The following IGFBP7 variants were observed in gnomAD, a reference collection of about 807,000 sequenced individuals.
IGFBP7 encodes the protein insulin-like growth factor-binding protein 7.
Under a neutral mutation model 29.4 loss-of-function variants are expected in IGFBP7, and 31 were observed. The observed-to-expected ratio is 1.05, with a 90% CI of 0.79 to 1.42. The LOEUF is 1.42. Among genes scored for constraint, IGFBP7 ranks in the 40% most tolerant of loss-of-function variants. The probability of loss-of-function intolerance (pLI) is 0.00; values close to 1 mark genes in which losing one functional copy is unlikely to be tolerated. For missense variants in IGFBP7, 393 were observed against 395.5 expected (o/e 0.99, Z 0.05); for synonymous variants, 172 against 174.9 (o/e 0.98, Z 0.13).
chr4:57,097,065 A>AT, intron 1 of IGFBP7, among the ~76,000 whole-genome samples: 1 of 152,084 alleles, frequency 6.6e-6, no homozygotes. Context: ...CAGTACTTCA[A>AT]TTTTTTCCCC....
rs756092472 is a variant in IGFBP7, at chr4:57,101,728, T to C, written c.475+8149A>G. Among the ~76,000 whole-genome samples the C allele has an allele frequency of 1.2e-4, 18 of 145,720 alleles. No homozygotes were observed. The East Asian group carries it at 2.1e-3, about 17-fold the overall frequency. On this transcript the variant is annotated intron_variant, in intron 1 of 4. Coordinates refer to ENST00000295666, the MANE Select transcript of IGFBP7 (RefSeq NM_001553.3). ...TATCATCCTGGCTTTTTTCTTCTGA[T>C]CTCATTTTCTCTCAGAGGCCTGGTG... is the stretch of plus-strand genomic sequence containing the variant.
At chr4:57,069,189 C>T (rs1421264877) in intron 1 of IGFBP7, among the ~76,000 whole-genome samples, 1 of 152,180 alleles carries the variant, frequency 6.6e-6, no homozygotes, top group East Asian at 1.9e-4. Context: ...CTCACCAAGA[C>T]ATCTTGAGTT....
intron 1 of IGFBP7, among the ~76,000 whole-genome samples, chr4:57,066,610 C>G (rs1167695986): frequency 2.0e-5 from 3 of 151,822 alleles, no homozygotes; most frequent in African/African-American, 7.3e-5. Flanking sequence ...GTCGCCCAGG[C>G]TGGAGTGCAT....
intron 1 of IGFBP7, among the ~76,000 whole-genome samples, chr4:57,053,267 T>G (rs1339435140): frequency 1.3e-5 from 2 of 152,168 alleles, no homozygotes. Context: ...TCTGCCCGCT[T>G]CGGGCTCCCA....
chr4:57,084,265 T>C (rs1725442051), intron 1 of IGFBP7, among the ~76,000 whole-genome samples: 1 of 152,212 alleles, frequency 6.6e-6, no homozygotes, highest in Admixed American at 6.5e-5. Context: ...TCTAATGAAG[T>C]CACTGAATTG....
chr4:57,031,038 C>T lies in IGFBP7; in HGVS notation c.*279G>A, dbSNP rs746075962. 16 of 1,137,734 alleles carry T rather than the reference C, an allele frequency of 1.4e-5. No individual in the cohort carries two copies. Among genetic ancestry groups the T allele is most frequent in the Non-Finnish European group, 1.3e-6 (1 of 747,214 alleles). The allele number at this position is 1,137,734 out of a possible 1,614,324, so 70.5% of individuals were successfully genotyped here. A position where few individuals can be genotyped will look rare whatever the true frequency, so the allele number is the denominator to read the frequency against. ...AATTAAATATCTTGGTGTCTTGTTT[C>T]TATTGTGTGGCTTTTTAAAAATGAC... On this transcript the variant is annotated 3_prime_UTR_variant, in exon 5 of 5. Coordinates refer to ENST00000295666, the MANE Select transcript of IGFBP7 (RefSeq NM_001553.3).
chr4:57,109,986 G>A lies in IGFBP7; in HGVS notation c.366C>T (p.Ser122=). 1 of 1,545,724 alleles carries A rather than the reference G, an allele frequency of 6.5e-7. No homozygotes were observed. The highest frequency in any genetic ancestry group is 8.7e-7 in the Non-Finnish European group (1 of 1,151,410). Reference sequence around the variant, plus strand: ...AGCCGCTCGGGTAGGTGGTGCCGTCGCTGCCGCACACCGGGTAGCGGCTCT... The same window carrying A: ...AGCCGCTCGGGTAGGTGGTGCCGTCACTGCCGCACACCGGGTAGCGGCTCT... The part of the protein sequence containing the change: ...VCKSRYPVCG[S]DGTTYPSGCQ... The change falls in exon 1 of 5, where the codon AGC becomes AGT. Residue 122 remains serine (S), a synonymous_variant. Coordinates refer to ENST00000295666, the MANE Select transcript of IGFBP7 (RefSeq NM_001553.3).
At chr4:57,060,876 G>A (rs1018317157) in intron 1 of IGFBP7, among the ~76,000 whole-genome samples, 1 of 151,784 alleles carries the variant, frequency 6.6e-6, no homozygotes, top group East Asian at 1.9e-4. Context: ...CTATGATTGC[G>A]CCACTGCTCT....
intron 1 of IGFBP7, among the ~76,000 whole-genome samples, chr4:57,107,802 G>T (rs977631635): frequency 2.6e-5 from 4 of 152,366 alleles, no homozygotes; most frequent in Non-Finnish European, 5.9e-5. Flanking sequence ...TGAGCTGGGT[G>T]TACATGGTAA....
chr4:57,073,194 T>C, intron 1 of IGFBP7: 2 of 1,220,456 alleles, frequency 1.6e-6, no homozygotes, highest in South Asian at 2.7e-5. Context: ...GGTCTGTCCT[T>C]TCTGTGATTT....
At chr4:57,088,563 T>C (rs947704261) in intron 1 of IGFBP7, among the ~76,000 whole-genome samples, 12 of 152,138 alleles carry the variant, frequency 7.9e-5, no homozygotes, top group African/African-American at 2.4e-4. Context: ...ATTTGAGGGC[T>C]GTTTCTGAAG....
intron 1 of IGFBP7, among the ~76,000 whole-genome samples, chr4:57,083,147 G>A (rs1725413886): frequency 1.3e-5 from 2 of 152,194 alleles, no homozygotes; most frequent in South Asian, 4.2e-4. Context: ...TAGCACTTTT[G>A]TTTCTGTAGG....
chr4:57,047,221 C>T (rs1402000146), intron 1 of IGFBP7, among the ~76,000 whole-genome samples: 1 of 152,190 alleles, frequency 6.6e-6, no homozygotes, highest in Non-Finnish European at 1.5e-5. Flanking sequence ...GTAATAGCGA[C>T]TAAGTCTCAT....
intron 1 of IGFBP7, among the ~76,000 whole-genome samples, chr4:57,048,437 G>C (rs1433553853): frequency 6.6e-6 from 1 of 152,098 alleles, no homozygotes; most frequent in African/African-American, 2.4e-5. Context: ...CTAGAAATAG[G>C]TATGTTCTGA....
chr4:57,097,814 C>T (rs1725796577), intron 1 of IGFBP7, among the ~76,000 whole-genome samples: 1 of 152,134 alleles, frequency 6.6e-6, no homozygotes, highest in Admixed American at 6.5e-5. Context: ...TCTCCTTAAC[C>T]ACTCTGCTTT....
intron 2 of IGFBP7, among the ~76,000 whole-genome samples, chr4:57,038,450 C>T (rs1724136585): frequency 6.6e-6 from 1 of 152,118 alleles, no homozygotes. Context: ...AGGCTGGATC[C>T]CGCCCCGCTT....
intron 1 of IGFBP7, among the ~76,000 whole-genome samples, chr4:57,082,309 A>AT (rs1725389128): frequency 6.6e-6 from 1 of 152,098 alleles, no homozygotes; most frequent in Non-Finnish European, 1.5e-5. Flanking sequence ...ATGCTCTGTG[A>AT]TTTTCCTCTT....
chr4:57,072,599 G>C lies in IGFBP7; in HGVS notation c.476-31666C>G, dbSNP rs117292090. The stretch of plus-strand genomic sequence containing the variant: ...CCTATCTTTCTGTCAGTGCCACCTA[G>C]ATGGCCTGTCAAAACCTTGACCCAG... On this transcript the variant is annotated intron_variant, in intron 1 of 4. Coordinates refer to ENST00000295666, the MANE Select transcript of IGFBP7 (RefSeq NM_001553.3). 4.2e-3 allele frequency: 1,128 copies of C among 271,506 alleles called. 47 individuals carry two copies. In the East Asian group the frequency reaches 0.079, roughly 19 times the overall value. The allele number at this position is 271,506 out of a possible 1,614,324, so 16.8% of individuals were successfully genotyped here.
intron 1 of IGFBP7, among the ~76,000 whole-genome samples, chr4:57,052,130 T>C (rs1713972): frequency 0.9 from 137,054 of 152,048 alleles, 61,877 homozygotes; most frequent in South Asian, 0.95. Context: ...GGATGGGACA[T>C]GGCGGGGATT....
Sources: gnomAD v4.1 joint callset for allele counts (sites outside exome capture counted in the v4.1 genomes callset) on GRCh38, gnomAD v4.1.1 for gene constraint, MANE v1.5 for transcripts, NCBI Gene and HGNC (gene_info 2026-07-23, HGNC 2026-07-21) for gene names.